Variants in NAV2 observed in about 807,000 individuals in gnomAD.
NAV2 encodes the protein neuron navigator 2.
In NAV2, 54 loss-of-function variants were observed where a neutral mutation model predicts 223.2. The ratio of observed to expected loss-of-function variants is 0.24; its 90% CI spans 0.19 to 0.30. The LOEUF is 0.30. NAV2 is among the 10% of genes least tolerant of loss of function. The pLI, the probability that NAV2 is intolerant of heterozygous loss-of-function variation, is 1.00. For missense variants in NAV2, 2,806 were observed against 3,147.5 expected (o/e 0.89, Z 2.60); for synonymous variants, 1,279 against 1,239.3 (o/e 1.03, Z -0.67).
At chr11:19,568,914 G>T (rs187235067) in intron 1 of NAV2, among the ~76,000 whole-genome samples, 2 of 152,104 alleles carry the variant, frequency 1.3e-5, no homozygotes, top group African/African-American at 4.8e-5. Context: ...GGTCTCCTAC[G>T]CATCTTCTAT....
chr11:19,483,150 T>A (rs1412001687), intron 1 of NAV2, among the ~76,000 whole-genome samples: 1 of 152,240 alleles, frequency 6.6e-6, no homozygotes, highest in Non-Finnish European at 1.5e-5. Context: ...TAAGTACTAT[T>A]AGTATATAGT....
At chr11:19,394,289 G>T (rs1434273991) in intron 1 of NAV2, among the ~76,000 whole-genome samples, 2 of 152,072 alleles carry the variant, frequency 1.3e-5, no homozygotes, top group African/African-American at 2.4e-5. Flanking sequence ...TCTCTTTTAG[G>T]TATAGACAGT....
chr11:19,618,463 T>A (rs1222347376), intron 1 of NAV2, among the ~76,000 whole-genome samples: 1 of 149,936 alleles, frequency 6.7e-6, no homozygotes, highest in Non-Finnish European at 1.5e-5. Context: ...GATGGATGGG[T>A]AGCTGAATGG....
chr11:19,915,260 C>T (rs1203077163), intron 6 of NAV2, among the ~76,000 whole-genome samples: 4 of 152,150 alleles, frequency 2.6e-5, no homozygotes, highest in African/African-American at 9.7e-5. Context: ...GGGAGAAATC[C>T]CCTGTCAGAA....
intron 27 of NAV2, among the ~76,000 whole-genome samples, chr11:20,091,267 A>C (rs1009993602): frequency 2.6e-5 from 4 of 152,178 alleles, no homozygotes; most frequent in African/African-American, 9.6e-5. Context: ...CATGTGGTAC[A>C]GTCTCCTTCA....
intron 4 of NAV2, among the ~76,000 whole-genome samples, chr11:19,873,733 ACTGAGAC>A (rs1234015361): frequency 2.0e-5 from 3 of 152,064 alleles, no homozygotes; most frequent in African/African-American, 4.8e-5. Flanking sequence ...TATGGCATTG[ACTGAGAC>A]CTTCAGTTTC....
At chr11:19,691,878 G>A (rs967527998) in intron 1 of NAV2, among the ~76,000 whole-genome samples, 1 of 152,248 alleles carries the variant, frequency 6.6e-6, no homozygotes, top group East Asian at 1.9e-4. Context: ...TGGCACTATG[G>A]TGTCAAAATG....
chr11:19,527,258 G>T (rs569509152), intron 1 of NAV2, among the ~76,000 whole-genome samples: 1 of 152,046 alleles, frequency 6.6e-6, no homozygotes, highest in East Asian at 1.9e-4. Flanking sequence ...CCCCTTTTGC[G>T]TGACTCTCAT....
intron 1 of NAV2, among the ~76,000 whole-genome samples, chr11:19,581,870 G>A (rs1464426297): frequency 6.6e-6 from 1 of 152,176 alleles, no homozygotes; most frequent in Non-Finnish European, 1.5e-5. Context: ...AATCCTTTGG[G>A]TATATACCCA....
chr11:19,682,319 C>T (rs116400350), intron 1 of NAV2, among the ~76,000 whole-genome samples: 1 of 152,204 alleles, frequency 6.6e-6, no homozygotes, highest in South Asian at 2.1e-4. Flanking sequence ...CATGCCTTAT[C>T]TCATAATCCA....
chr11:19,836,699 G>A (rs115417689), intron 2 of NAV2, among the ~76,000 whole-genome samples: 76 of 152,202 alleles, frequency 5.0e-4, no homozygotes, highest in Middle Eastern at 6.8e-3. Context: ...GTGAAGAGTT[G>A]GAATCCTTCA....
rs193164810 is a variant in NAV2, at chr11:19,908,433, A to C, written c.931+15839A>C. Among the ~76,000 whole-genome samples, 4 of 152,210 alleles carry C rather than the reference A, an allele frequency of 2.6e-5. No homozygotes were observed. The East Asian group carries it at 5.8e-4, about 22-fold the overall frequency. ...GTAACTCTCCAGCACCAGGAGGAGG[A>C]GACATTTTGCAGAGTGCTGGTCTGT... On this transcript the variant is annotated intron_variant, in intron 6 of 37. Transcript: ENST00000349880.
intron 1 of NAV2, among the ~76,000 whole-genome samples, chr11:19,760,669 A>T (rs576724101): frequency 6.6e-6 from 1 of 152,280 alleles, no homozygotes; most frequent in South Asian, 2.1e-4. Flanking sequence ...ACTTTAGAGG[A>T]GTAAGAGAGA....
intron 1 of NAV2, chr11:19,714,437 G>T: frequency 2.2e-6 from 1 of 458,380 alleles, no homozygotes. Context: ...AGGAAGAAAA[G>T]GGGATCGCGG....
chr11:19,634,795 C>T (rs544603020), intron 1 of NAV2, among the ~76,000 whole-genome samples: 1 of 152,304 alleles, frequency 6.6e-6, no homozygotes, highest in East Asian at 1.9e-4. Context: ...AGGCTCCTAA[C>T]TCAGCCTAGG....
At chr11:19,452,436 G>C (rs1260389620) in intron 1 of NAV2, among the ~76,000 whole-genome samples, 1 of 152,108 alleles carries the variant, frequency 6.6e-6, no homozygotes, top group Non-Finnish European at 1.5e-5. Context: ...TCTAGGACAG[G>C]TTCCTTGTCT....
chr11:19,799,007 A>C (rs12225594), intron 1 of NAV2, among the ~76,000 whole-genome samples: 32,284 of 152,024 alleles, frequency 0.21, 4,545 homozygotes, highest in East Asian at 0.52. Flanking sequence ...GGTTAAGGAG[A>C]AGAGGTGAGC....
intron 1 of NAV2, among the ~76,000 whole-genome samples, chr11:19,659,198 A>C (rs1284090311): frequency 1.3e-5 from 2 of 152,358 alleles, no homozygotes; most frequent in East Asian, 3.9e-4. Flanking sequence ...ACTGTAAAGC[A>C]CTGGCATTTA....
chr11:20,077,565 C>A lies in NAV2; in HGVS notation c.4997C>A (p.Ala1666Glu). 1 of 1,613,712 alleles carries A rather than the reference C, an allele frequency of 6.2e-7. No individual in the cohort carries two copies. Among genetic ancestry groups the A allele is most frequent in the Non-Finnish European group, 8.5e-7 (1 of 1,179,632 alleles). Reference protein sequence around the residue: ...TQLTANAHLVAAFEQSLGNMT... With the variant: ...TQLTANAHLVEAFEQSLGNMT... ...CTTCCCCTCCAGGCTCACCTTGTGG[C>A]AGCCTTTGAACAGAGTCTTGGTAAC... is the stretch of plus-strand genomic sequence containing the variant. Residue 1666 changes from alanine to glutamate, a missense_variant, in exon 23 of 38, where the codon GCA becomes GAA. Ala to Glu is a moderately radical substitution (Grantham distance 107, BLOSUM62 -1). Around this residue, in one of 4 missense-constraint regions of NAV2, gnomAD observed 824 missense variants for 1,069.4 expected, o/e 0.77. Coordinates refer to ENST00000349880, the MANE Select transcript of NAV2 (RefSeq NM_145117.5).
Sources: allele counts gnomAD v4.1 joint callset (sites outside exome capture counted in the v4.1 genomes callset), GRCh38; gene constraint gnomAD v4.1.1; regional missense constraint gnomAD v4.1.1; transcripts MANE v1.5; gene names NCBI Gene and HGNC (gene_info 2026-07-23, HGNC 2026-07-21).